Variants in YTHDC1 observed in about 807,000 individuals in gnomAD.
YTHDC1 encodes YTH domain-containing protein 1.
YTHDC1 carries 12 observed loss-of-function variants against 107.0 expected under a neutral mutation model. The ratio of observed to expected loss-of-function variants is 0.11; its 90% CI spans 0.07 to 0.18. The LOEUF (loss-of-function observed/expected upper bound fraction) is 0.18, where lower values mean the gene tolerates loss of function less well. YTHDC1 is among the 10% of genes least tolerant of loss of function. The pLI, the probability that YTHDC1 is intolerant of heterozygous loss-of-function variation, is 1.00. For missense variants in YTHDC1, 635 were observed against 898.8 expected (o/e 0.71, Z 3.75); for synonymous variants, 280 against 289.5 (o/e 0.97, Z 0.33).
intron 1 of YTHDC1, among the ~76,000 whole-genome samples, chr4:68,342,446 T>G (rs1030130064): frequency 4.6e-5 from 7 of 152,124 alleles, no homozygotes; most frequent in Non-Finnish European, 2.9e-5. Context: ...ATCACAGTAT[T>G]TATTCATCAC....
chr4:68,321,136 A>T (rs1722405907), intron 11 of YTHDC1, among the ~76,000 whole-genome samples: 1 of 152,198 alleles, frequency 6.6e-6, no homozygotes, highest in South Asian at 2.1e-4. Flanking sequence ...ATATTTAGAA[A>T]ATAAATATAT....
Position 68,311,495 on chromosome 4 carries a change from T to C in YTHDC1, c.*2604A>G, listed in dbSNP as rs1324815908. The C allele has an allele frequency of 2.0e-5, 3 of 152,174 alleles. No homozygotes were observed. The highest frequency in any genetic ancestry group is 4.4e-5 in the Non-Finnish European group (3 of 68,032). 9.4% of individuals were successfully genotyped at this position (152,174 alleles called of 1,614,324 possible). On this transcript the variant is annotated 3_prime_UTR_variant, in exon 17 of 17. Transcript: ENST00000344157. Reference sequence around the variant, plus strand: ...GTAGATTGTTAGAATCACAGCACAGTGGAGTACACGAAAGAAACCATGTCT... The same window carrying C: ...GTAGATTGTTAGAATCACAGCACAGCGGAGTACACGAAAGAAACCATGTCT...
At position 68,313,578 on chromosome 4, in the gene YTHDC1, A is replaced by G. The variant is rs951754814; in HGVS notation, c.*521T>C. ...CTGAGGAAAAATAAAAAGTGACTTTATAAGTTTTTTAAAAAAAGAGGCAAT... is the reference window on the plus strand; with the variant it reads ...CTGAGGAAAAATAAAAAGTGACTTTGTAAGTTTTTTAAAAAAAGAGGCAAT... On this transcript the variant is annotated 3_prime_UTR_variant, in exon 17 of 17. Transcript: ENST00000344157. 6.5e-6 allele frequency: 1 copy of G among 153,514 alleles called. No individual in the cohort carries two copies. The highest frequency in any genetic ancestry group is 2.4e-5 in the African/African-American group (1 of 41,462). The allele number at this position is 153,514 out of a possible 1,614,324, so 9.5% of individuals were successfully genotyped here.
chr4:68,346,493 A>G (rs1725458166), intron 1 of YTHDC1, among the ~76,000 whole-genome samples: 1 of 152,188 alleles, frequency 6.6e-6, no homozygotes, highest in Admixed American at 6.5e-5. Context: ...CAAAGATATA[A>G]AAATGGAGAA....
At chr4:68,346,100 T>TATATATATATATATATATATACAC (rs144743953) in intron 1 of YTHDC1, among the ~76,000 whole-genome samples, 4 of 134,134 alleles carry the variant, frequency 3.0e-5, no homozygotes, top group African/African-American at 1.2e-4. Flanking sequence ...TATATATATA[T>TATATATATATATATATATATACAC]ACACACACAC....
chr4:68,347,229 G>C (rs1377349469), intron 1 of YTHDC1, among the ~76,000 whole-genome samples: 1 of 152,206 alleles, frequency 6.6e-6, no homozygotes, highest in Non-Finnish European at 1.5e-5. Flanking sequence ...ATTTTGGATA[G>C]ATTAAACTTT....
Position 68,313,078 on chromosome 4 carries a change from A to G in YTHDC1, c.*1021T>C, listed in dbSNP as rs1475270294. 6.6e-6 allele frequency: 1 copy of G among 152,210 alleles called. No homozygotes were observed. The highest frequency in any genetic ancestry group is 2.4e-5 in the African/African-American group (1 of 41,456). The allele number at this position is 152,210 out of a possible 1,614,324, so 9.4% of individuals were successfully genotyped here. A position where few individuals can be genotyped will look rare whatever the true frequency, so the allele number is the denominator to read the frequency against. On this transcript the variant is annotated 3_prime_UTR_variant, in exon 17 of 17. Coordinates refer to ENST00000344157, the MANE Select transcript of YTHDC1 (RefSeq NM_001031732.4). ...ATAAACGATTCTGTGATCAGAGTAG[A>G]CTCAAAATGTTATCAGGTGTATAAA...
intron 10 of YTHDC1, among the ~76,000 whole-genome samples, chr4:68,323,356 TTTAAAA>T (rs1307286554): frequency 1.3e-5 from 2 of 152,246 alleles, no homozygotes; most frequent in African/African-American, 2.4e-5. Flanking sequence ...CTATGGGCTC[TTTAAAA>T]TTAAATCATT....
intron 1 of YTHDC1, among the ~76,000 whole-genome samples, chr4:68,344,735 G>C (rs1302259015): frequency 6.6e-6 from 1 of 152,114 alleles, no homozygotes; most frequent in African/African-American, 2.4e-5. Context: ...AAGTAAACAA[G>C]GATATAAAAA....
In YTHDC1 at chr4:68,330,070, G is replaced by C; in HGVS notation, c.1281C>G (p.His427Gln). The change falls in exon 9 of 17, where the codon CAC becomes CAG. Residue 427 changes from histidine to glutamine, a missense_variant. His to Gln is a conservative substitution (Grantham distance 24). Coordinates refer to ENST00000344157, the MANE Select transcript of YTHDC1 (RefSeq NM_001031732.4). ...SESHHGGSPIHWVLPAGMSAK... is the reference protein window; with the variant it reads ...SESHHGGSPIQWVLPAGMSAK... The stretch of plus-strand genomic sequence containing the variant: ...CACTCATTCCTGCTGGAAGCACCCA[G>C]TGTATAGGAGATCCTCCGTGATGTG... 6.2e-7 allele frequency: 1 copy of C among 1,613,744 alleles called. No homozygotes were observed. The highest frequency in any genetic ancestry group is 8.5e-7 in the Non-Finnish European group (1 of 1,179,730).
rs146700608 is a variant in YTHDC1, at chr4:68,343,076, G to A, written c.29-4692C>T. ...GATTAGAAATGCCAGGTTAAGAAAA[G>A]GCCTATAAGCATACAATTCATGCAC... On this transcript the variant is annotated intron_variant, in intron 1 of 16. Coordinates refer to ENST00000344157, the MANE Select transcript of YTHDC1 (RefSeq NM_001031732.4). 3.8e-4 allele frequency among the ~76,000 whole-genome samples: 58 copies of A among 152,222 alleles called. No homozygotes were observed. The East Asian group carries it at 9.8e-3, about 26-fold the overall frequency.
chr4:68,332,861 A>G lies in YTHDC1; in HGVS notation c.974-14T>C. On this transcript the variant is annotated splice_polypyrimidine_tract_variant and intron_variant, in intron 5 of 16. Coordinates refer to ENST00000344157, the MANE Select transcript of YTHDC1 (RefSeq NM_001031732.4). ...TCTTTTCTGAACCTGTATTTAGCCA[A>G]AGTACATTTGTTCAGATTGAGCTTT... 1 of 1,611,476 alleles carries G rather than the reference A, an allele frequency of 6.2e-7. No individual in the cohort carries two copies.
intron 1 of YTHDC1, among the ~76,000 whole-genome samples, chr4:68,341,439 T>C (rs1724792210): frequency 6.6e-6 from 1 of 152,172 alleles, no homozygotes; most frequent in Non-Finnish European, 1.5e-5. Flanking sequence ...GTACACACTT[T>C]TATCCGTATT....
At chr4:68,346,744 C>A (rs1725487460) in intron 1 of YTHDC1, among the ~76,000 whole-genome samples, 1 of 152,088 alleles carries the variant, frequency 6.6e-6, no homozygotes, top group African/African-American at 2.4e-5. Flanking sequence ...CCCCAAAGCA[C>A]AAGAGTAGTG....
In YTHDC1 at chr4:68,310,978, T is replaced by A. The variant is rs1394653944; in HGVS notation, c.*3121A>T. ...TCAAACATTCAGGTGTTATAACTTG[T>A]ATGAGATCCTGATTTAATGGACATC... On this transcript the variant is annotated 3_prime_UTR_variant, in exon 17 of 17. Coordinates refer to ENST00000344157, the MANE Select transcript of YTHDC1 (RefSeq NM_001031732.4). 1 of 152,220 alleles carries A rather than the reference T, an allele frequency of 6.6e-6. No homozygotes were observed. Among genetic ancestry groups the A allele is most frequent in the Non-Finnish European group, 1.5e-5 (1 of 68,042 alleles). 9.4% of individuals were successfully genotyped at this position (152,220 alleles called of 1,614,324 possible). A position where few individuals can be genotyped will look rare whatever the true frequency, so the allele number is the denominator to read the frequency against.
At chr4:68,324,252 C>A in intron 9 of YTHDC1, 29 bp from the exon 10 acceptor site, 1 of 1,577,870 alleles carries the variant, frequency 6.3e-7, no homozygotes, top group Non-Finnish European at 8.7e-7. Context: ...CAATTACATT[C>A]TTCTGCAGAA....
At chr4:68,326,731 C>T (rs1423543539) in intron 9 of YTHDC1, among the ~76,000 whole-genome samples, 1 of 151,898 alleles carries the variant, frequency 6.6e-6, no homozygotes, top group Admixed American at 6.5e-5. Context: ...GCTGGGACTA[C>T]AGGCATGCGC....
At chr4:68,340,289 A>C (rs1166875025) in intron 1 of YTHDC1, among the ~76,000 whole-genome samples, 1 of 152,166 alleles carries the variant, frequency 6.6e-6, no homozygotes, top group Non-Finnish European at 1.5e-5. Context: ...AAACAGACAC[A>C]ATCTAAAGAT....
intron 1 of YTHDC1, chr4:68,344,116 T>C (rs1725149478): frequency 6.6e-6 from 1 of 152,010 alleles, no homozygotes; most frequent in African/African-American, 2.4e-5. Context: ...TATGTCAAAG[T>C]TTTGCATGAG....
Sources: allele counts gnomAD v4.1 joint callset (sites outside exome capture counted in the v4.1 genomes callset), GRCh38; gene constraint gnomAD v4.1.1; transcripts MANE v1.5; gene names NCBI Gene and HGNC (gene_info 2026-07-23, HGNC 2026-07-21).